FHIT: variants seen among roughly 807,000 people sequenced by gnomAD.
The protein encoded by FHIT is fragile histidine triad diadenosine triphosphatase.
In FHIT, 19 loss-of-function variants were observed where a neutral mutation model predicts 17.9. The observed-to-expected ratio is 1.06, with a 90% CI of 0.74 to 1.56. The LOEUF is 1.56. FHIT is among the 40% of genes most tolerant of loss of function. The probability of loss-of-function intolerance (pLI) is 0.00; values close to 1 mark genes in which losing one functional copy is unlikely to be tolerated. For missense variants in FHIT, 248 were observed against 189.2 expected, an observed-to-expected ratio of 1.31 and a Z score of -1.82; for synonymous variants, 81 against 69.7, an observed-to-expected ratio of 1.16 and a Z score of -0.81.
intron 4 of FHIT, among the ~76,000 whole-genome samples, chr3:60,586,604 A>G (rs140453540): frequency 2.6e-3 from 394 of 152,230 alleles, no homozygotes; most frequent in Non-Finnish European, 3.3e-3. Context: ...ATGCCCAGCA[A>G]TGATAGACTG....
intron 3 of FHIT, among the ~76,000 whole-genome samples, chr3:60,886,902 T>C (rs1205694543): frequency 6.6e-6 from 1 of 152,168 alleles, no homozygotes; most frequent in African/African-American, 2.4e-5. Context: ...CAAATGTCTT[T>C]TCAGAGTTTC....
chr3:60,833,752 A>G (rs1702418474), intron 3 of FHIT, among the ~76,000 whole-genome samples: 1 of 152,198 alleles, frequency 6.6e-6, no homozygotes, highest in Non-Finnish European at 1.5e-5. Context: ...TGTCCATCCC[A>G]GGGATCCTCT....
intron 5 of FHIT, among the ~76,000 whole-genome samples, chr3:60,193,714 C>G (rs1702503005): frequency 6.6e-6 from 1 of 152,156 alleles, no homozygotes; most frequent in Non-Finnish European, 1.5e-5. Context: ...CATCCTGACC[C>G]TGCAAACAGT....
At chr3:60,917,506 G>T (rs1203202339) in intron 3 of FHIT, among the ~76,000 whole-genome samples, 1 of 152,176 alleles carries the variant, frequency 6.6e-6, no homozygotes, top group Non-Finnish European at 1.5e-5. Flanking sequence ...TCTTTGCCAT[G>T]GCTGGCAAGG....
intron 5 of FHIT, among the ~76,000 whole-genome samples, chr3:60,344,555 G>T (rs898766722): frequency 2.6e-5 from 4 of 152,100 alleles, no homozygotes; most frequent in African/African-American, 9.7e-5. Context: ...TTCAGATTAT[G>T]CTCTCTCTTG....
intron 5 of FHIT, among the ~76,000 whole-genome samples, chr3:60,136,068 C>T (rs1699802849): frequency 6.6e-6 from 1 of 152,152 alleles, no homozygotes; most frequent in Non-Finnish European, 1.5e-5. Flanking sequence ...AGGTCAAGTA[C>T]AGAGTCTAGA....
At chr3:61,204,924 T>G (rs943109103) in intron 1 of FHIT, among the ~76,000 whole-genome samples, 1 of 151,860 alleles carries the variant, frequency 6.6e-6, no homozygotes, top group African/African-American at 2.4e-5. Flanking sequence ...GCTGCACCCA[T>G]TAACTCATCA....
At chr3:61,169,012 C>T (rs1237174954) in intron 2 of FHIT, among the ~76,000 whole-genome samples, 6 of 152,124 alleles carry the variant, frequency 3.9e-5, no homozygotes, top group Non-Finnish European at 8.8e-5. Context: ...TTATTTTGTA[C>T]TTTTCAAAGT....
At chr3:59,986,269 T>C (rs1708896825) in intron 7 of FHIT, among the ~76,000 whole-genome samples, 2 of 150,888 alleles carry the variant, frequency 1.3e-5, no homozygotes, top group African/African-American at 4.9e-5. Context: ...TCAGTAGGAG[T>C]AAACTGTCCA....
chr3:60,362,235 A>C (rs1312923996), intron 5 of FHIT, among the ~76,000 whole-genome samples: 1 of 152,198 alleles, frequency 6.6e-6, no homozygotes, highest in Non-Finnish European at 1.5e-5. Flanking sequence ...CTTCCTTAAA[A>C]AAATCCCTAA....
chr3:60,062,880 T>C (rs994374036), intron 5 of FHIT, among the ~76,000 whole-genome samples: 3 of 152,134 alleles, frequency 2.0e-5, no homozygotes, highest in Admixed American at 6.5e-5. Context: ...TAGATGTTAA[T>C]AGCCATAAAG....
intron 4 of FHIT, among the ~76,000 whole-genome samples, chr3:60,607,035 G>A (rs1197598937): frequency 2.6e-5 from 4 of 151,964 alleles, no homozygotes; most frequent in Non-Finnish European, 5.9e-5. Flanking sequence ...CTCTATATTT[G>A]TTTCAAAAGT....
chr3:60,544,679 C>G (rs1256923365), intron 4 of FHIT, among the ~76,000 whole-genome samples: 2 of 142,520 alleles, frequency 1.4e-5, no homozygotes, highest in African/African-American at 2.6e-5. Flanking sequence ...TCACTGCAAA[C>G]TCCGCCTCCC....
At chr3:59,845,740 G>A (rs1242070718) in intron 8 of FHIT, among the ~76,000 whole-genome samples, 1 of 152,154 alleles carries the variant, frequency 6.6e-6, no homozygotes, top group East Asian at 1.9e-4. Flanking sequence ...TGAGAAGAAT[G>A]TGTATGCTGT....
intron 5 of FHIT, among the ~76,000 whole-genome samples, chr3:60,205,952 C>G (rs1036703665): frequency 6.7e-6 from 1 of 149,382 alleles, no homozygotes; most frequent in Non-Finnish European, 1.5e-5. Flanking sequence ...ACTAAAAATA[C>G]AAAAATAAAA....
intron 5 of FHIT, among the ~76,000 whole-genome samples, chr3:60,076,199 T>G (rs1310489119): frequency 3.3e-5 from 5 of 152,104 alleles, no homozygotes; most frequent in Non-Finnish European, 7.4e-5. Flanking sequence ...ATGGTTTTCC[T>G]TAAAAGCTCT....
chr3:60,501,998 G>C (rs1358970397), intron 5 of FHIT, among the ~76,000 whole-genome samples: 1 of 152,200 alleles, frequency 6.6e-6, no homozygotes, highest in African/African-American at 2.4e-5. Flanking sequence ...CCATGACTGA[G>C]AGACCGACGA....
In FHIT at chr3:59,770,846, C is replaced by G. The variant is rs376835854; in HGVS notation, c.349-18525G>C. 1.1e-4 allele frequency among the ~76,000 whole-genome samples: 16 copies of G among 152,306 alleles called. No homozygotes were observed. The East Asian group carries it at 1.9e-3, about 18-fold the overall frequency. On this transcript the variant is annotated intron_variant, in intron 8 of 9. Coordinates refer to ENST00000492590, the MANE Select transcript of FHIT (RefSeq NM_002012.4). ...AACAGGCCTTTCGGACTCCCATGCT[C>G]AACCCTTGACCTCACCCATGCCTGT... is the stretch of plus-strand genomic sequence containing the variant.
chr3:60,254,150 G>T (rs1166293831), intron 5 of FHIT, among the ~76,000 whole-genome samples: 1 of 151,986 alleles, frequency 6.6e-6, no homozygotes, highest in Non-Finnish European at 1.5e-5. Flanking sequence ...ACAATGGTTT[G>T]GGTATTCAAG....
Sources: gnomAD v4.1 joint callset for allele counts (sites outside exome capture counted in the v4.1 genomes callset) on GRCh38, gnomAD v4.1.1 for gene constraint, MANE v1.5 for transcripts, NCBI Gene and HGNC (gene_info 2026-07-23, HGNC 2026-07-21) for gene names.